The following PACRG variants were observed in gnomAD, a reference collection of about 807,000 sequenced individuals.
The protein encoded by PACRG is parkin coregulated gene protein.
A neutral mutation model predicts 29.7 loss-of-function variants in PACRG; 29 were observed. The ratio of observed to expected loss-of-function variants is 0.98; its 90% CI spans 0.73 to 1.33. The LOEUF (loss-of-function observed/expected upper bound fraction) is 1.33. Ranked by LOEUF, PACRG falls within the 40% of genes most tolerant of loss-of-function variation. The pLI is 0.00. For missense variants in PACRG, 279 were observed against 316.2 expected (o/e 0.88, Z 0.89); for synonymous variants, 116 against 118.7 (o/e 0.98, Z 0.15).
intron 4 of PACRG, among the ~76,000 whole-genome samples, chr6:163,186,656 G>A (rs1204988731): frequency 6.6e-6 from 1 of 152,168 alleles, no homozygotes. Flanking sequence ...GCCGTCGCGT[G>A]CAGGTGTGCA....
intron 4 of PACRG, chr6:163,090,183 A>G (rs1408211284): frequency 6.6e-6 from 1 of 152,216 alleles, no homozygotes; most frequent in African/African-American, 2.4e-5. Context: ...ATTCAAGAAA[A>G]AAAATCAAAC....
At chr6:163,057,074 A>T (rs1221130758) in intron 2 of PACRG, among the ~76,000 whole-genome samples, 2 of 152,194 alleles carry the variant, frequency 1.3e-5, no homozygotes, top group East Asian at 3.9e-4. Context: ...GCACTCAAGG[A>T]TTACAGTCAA....
rs181225293 is a variant in PACRG, at chr6:163,205,310, A to C, written c.614-109517A>C. On this transcript the variant is annotated intron_variant, in intron 4 of 4. Coordinates refer to ENST00000366888, the MANE Select transcript of PACRG (RefSeq NM_001080379.2). ...TGGAGGGAACACATTACCCAACTTCAAACTATATGACAAGGCTACAGTAAC... is the reference window on the plus strand; with the variant it reads ...TGGAGGGAACACATTACCCAACTTCCAACTATATGACAAGGCTACAGTAAC... Among the ~76,000 whole-genome samples the C allele has an allele frequency of 7.2e-5, 11 of 152,350 alleles. No homozygotes were observed. The East Asian group carries it at 2.1e-3, about 29-fold the overall frequency.
rs576638796 is a variant in PACRG, at chr6:163,006,176, C to A, written c.292-55974C>A. Among the ~76,000 whole-genome samples, 642 of 134,010 alleles carry A rather than the reference C, an allele frequency of 4.8e-3. 7 individuals are homozygous for A. The highest frequency in any genetic ancestry group is 0.017 in the African/African-American group (605 of 36,310). The allele number at this position is 134,010 out of a possible 152,430, so 87.9% of individuals were successfully genotyped here. On this transcript the variant is annotated intron_variant, in intron 2 of 4. Transcript: ENST00000366888. ...TATATTATATATAATATAAAACATA[C>A]ATATATATAAACCCATATATATATA...
At chr6:163,149,274 G>A (rs1483704777) in intron 4 of PACRG, among the ~76,000 whole-genome samples, 1 of 152,036 alleles carries the variant, frequency 6.6e-6, no homozygotes, top group African/African-American at 2.4e-5. Context: ...CGCTTCCCAG[G>A]CCCCGGCCCT....
At position 162,879,813 on chromosome 6, in the gene PACRG, G is replaced by A. The variant is rs559520351; in HGVS notation, c.291+65532G>A. Among the ~76,000 whole-genome samples the A allele has an allele frequency of 3.7e-4, 56 of 152,326 alleles. No homozygotes were observed. In the South Asian group the frequency reaches 0.011, roughly 30 times the overall value. On this transcript the variant is annotated intron_variant, in intron 2 of 4. Coordinates refer to ENST00000366888, the MANE Select transcript of PACRG (RefSeq NM_001080379.2). The stretch of plus-strand genomic sequence containing the variant: ...TTCCAGGGCTGTCCAGTGAATTCAA[G>A]AGGGCAGGGAACGTGAGGGAGTTAC...
At chr6:162,965,590 C>T (rs552892132) in intron 2 of PACRG, among the ~76,000 whole-genome samples, 24 of 152,292 alleles carry the variant, frequency 1.6e-4, no homozygotes, top group African/African-American at 5.5e-4. Flanking sequence ...AAAGGCACTG[C>T]TTCCTAACAC....
chr6:163,071,794 A>G (rs1812081735), intron 3 of PACRG, among the ~76,000 whole-genome samples: 3 of 151,680 alleles, frequency 2.0e-5, no homozygotes, highest in Non-Finnish European at 4.4e-5. Context: ...TGGTGGGTAC[A>G]ATAAGCAACT....
rs1167618001 is a variant in PACRG at position 162,816,502 on chromosome 6, G to A, written c.291+2221G>A. Among the ~76,000 whole-genome samples the A allele has an allele frequency of 3.9e-5, 6 of 152,006 alleles. No homozygotes were observed. The South Asian group carries it at 6.2e-4, about 16-fold the overall frequency. On this transcript the variant is annotated intron_variant, in intron 2 of 4. Coordinates refer to ENST00000366888, the MANE Select transcript of PACRG (RefSeq NM_001080379.2). Reference sequence around the variant, plus strand: ...CGAGTAGCTGGGACTACAGGCTCCCGCCACCACGCCCGGCTAATTTTTTGT... The same window carrying A: ...CGAGTAGCTGGGACTACAGGCTCCCACCACCACGCCCGGCTAATTTTTTGT...
At chr6:163,074,868 T>C (rs1334658179) in intron 3 of PACRG, among the ~76,000 whole-genome samples, 2 of 152,102 alleles carry the variant, frequency 1.3e-5, no homozygotes, top group Admixed American at 6.6e-5. Flanking sequence ...ATGCCGCCTG[T>C]AGTCCCAGCT....
chr6:162,987,037 T>C (rs1404820120), intron 2 of PACRG, among the ~76,000 whole-genome samples: 1 of 152,180 alleles, frequency 6.6e-6, no homozygotes, highest in African/African-American at 2.4e-5. Flanking sequence ...TATTTCTTCT[T>C]GGTTTGCATT....
intron 2 of PACRG, among the ~76,000 whole-genome samples, chr6:162,905,063 T>C (rs550989276): frequency 6.6e-6 from 1 of 152,272 alleles, no homozygotes; most frequent in Non-Finnish European, 1.5e-5. Context: ...GGGGAATTCA[T>C]GAATTGGGCA....
intron 2 of PACRG, among the ~76,000 whole-genome samples, chr6:162,926,054 A>G (rs550715249): frequency 1.3e-5 from 2 of 152,250 alleles, no homozygotes; most frequent in African/African-American, 4.8e-5. Context: ...CCCATTCACA[A>G]CTGCTATGAA....
intron 2 of PACRG, among the ~76,000 whole-genome samples, chr6:162,854,160 C>CT (rs1457410685): frequency 3.2e-5 from 3 of 94,886 alleles, no homozygotes; most frequent in African/African-American, 1.3e-4. Context: ...AGACCATTTT[C>CT]TTTCTGTTTT....
chr6:162,812,633 A>C (rs1393368471), intron 1 of PACRG, among the ~76,000 whole-genome samples: 2 of 152,110 alleles, frequency 1.3e-5, no homozygotes, highest in African/African-American at 2.4e-5. Flanking sequence ...AATGTGATTC[A>C]AGATTTACTC....
chr6:163,306,622 A>G (rs565945490), intron 4 of PACRG, among the ~76,000 whole-genome samples: 1 of 152,340 alleles, frequency 6.6e-6, no homozygotes, highest in East Asian at 1.9e-4. Context: ...GTCAACAAAT[A>G]ATATGAATTT....
intron 2 of PACRG, among the ~76,000 whole-genome samples, chr6:163,056,913 C>T (rs1810641537): frequency 6.6e-6 from 1 of 152,142 alleles, no homozygotes; most frequent in Non-Finnish European, 1.5e-5. Flanking sequence ...ACTTTAGCAG[C>T]AGTGCTTTGG....
At chr6:163,179,945 C>T (rs561592720) in intron 4 of PACRG, among the ~76,000 whole-genome samples, 4 of 152,350 alleles carry the variant, frequency 2.6e-5, no homozygotes, top group Non-Finnish European at 4.4e-5. Flanking sequence ...GTGTCCCAGC[C>T]GAGCCCTCCT....
At chr6:163,164,803 C>A (rs975052283) in intron 4 of PACRG, among the ~76,000 whole-genome samples, 2 of 152,144 alleles carry the variant, frequency 1.3e-5, no homozygotes, top group Admixed American at 6.5e-5. Context: ...CAGTTAGTAG[C>A]GTTAGCTGAG....
Sources: gnomAD v4.1 joint callset for allele counts (sites outside exome capture counted in the v4.1 genomes callset) on GRCh38, gnomAD v4.1.1 for gene constraint, MANE v1.5 for transcripts, NCBI Gene and HGNC (gene_info 2026-07-23, HGNC 2026-07-21) for gene names.